The following RANBP17 variants were observed in gnomAD, a reference collection of about 807,000 sequenced individuals.
RANBP17 encodes the protein RAN binding protein 17.
RANBP17 carries 158 observed loss-of-function variants against 141.2 expected under a neutral mutation model. That is an observed-to-expected ratio of 1.12 (90% confidence interval 0.98 to 1.28). The LOEUF (loss-of-function observed/expected upper bound fraction) is 1.28. Ranked by LOEUF, RANBP17 falls within the 50% of genes most tolerant of loss-of-function variation. The probability of loss-of-function intolerance (pLI) is 0.00; values close to 1 mark genes in which losing one functional copy is unlikely to be tolerated. For synonymous variants in RANBP17, 430 were observed against 450.0 expected, an observed-to-expected ratio of 0.96 and a Z score of 0.56; for missense variants, 1,438 against 1,290.7, an observed-to-expected ratio of 1.11 and a Z score of -1.75.
At chr5:171,286,211 AT>A (rs1408698258) in intron 25 of RANBP17, among the ~76,000 whole-genome samples, 6 of 152,202 alleles carry the variant, frequency 3.9e-5, no homozygotes, top group Non-Finnish European at 7.3e-5. Flanking sequence ...TGCAGTGCTA[AT>A]ATATGACCAA....
At position 171,183,245 on chromosome 5, in the gene RANBP17, TTTAA is replaced by T; in HGVS notation, c.1929+21_1929+24del. 1.9e-6 allele frequency: 3 copies of T among 1,593,392 alleles called. No homozygotes were observed. Among genetic ancestry groups the T allele is most frequent in the Non-Finnish European group, 2.6e-6 (3 of 1,161,280 alleles). Reference sequence around the variant, plus strand: ...AAAACCACACGGTAAGTCTTATTTCTTTAATTAATGAATAACATTTTACGAATAG... The same window carrying T: ...AAAACCACACGGTAAGTCTTATTTCTTTAATGAATAACATTTTACGAATAG... On this transcript the variant is annotated intron_variant, in intron 17 of 27. Transcript: ENST00000523189.
intron 18 of RANBP17, among the ~76,000 whole-genome samples, chr5:171,190,079 G>A (rs528111687): frequency 1.3e-5 from 2 of 152,304 alleles, no homozygotes; most frequent in Admixed American, 1.3e-4. Context: ...AAAAGTGTTG[G>A]ATGTGATTCT....
At chr5:171,281,802 G>C (rs912779501) in intron 25 of RANBP17, among the ~76,000 whole-genome samples, 2 of 152,216 alleles carry the variant, frequency 1.3e-5, no homozygotes, top group Non-Finnish European at 2.9e-5. Flanking sequence ...AAGAAACCTT[G>C]TAGATAACGA....
At chr5:171,099,892 T>C (rs141626658) in intron 14 of RANBP17, among the ~76,000 whole-genome samples, 3,027 of 152,312 alleles carry the variant, frequency 0.02, 96 homozygotes, top group African/African-American at 0.068. Flanking sequence ...TCTGTTTATG[T>C]GATGGATTAC....
chr5:171,251,097 A>AC (rs1554123754), intron 24 of RANBP17, among the ~76,000 whole-genome samples: 1 of 151,976 alleles, frequency 6.6e-6, no homozygotes, highest in Admixed American at 6.6e-5. Context: ...CTCAACAAAA[A>AC]TTTTTTTTAG....
intron 14 of RANBP17, among the ~76,000 whole-genome samples, chr5:170,988,164 T>G (rs932342079): frequency 1.3e-5 from 2 of 151,680 alleles, no homozygotes; most frequent in Non-Finnish European, 3.0e-5. Flanking sequence ...TTAATGATTA[T>G]AAATTCTCAA....
Position 170,878,290 on chromosome 5 carries a change from A to G in RANBP17, c.165+47A>G, listed in dbSNP as rs375679692. ...TTAACCATGAAAGATCAGTAGATGT[A>G]TGTCATTGTTAATGAACTCGTGTGT... On this transcript the variant is annotated intron_variant, in intron 2 of 27. Transcript: ENST00000523189. 37 of 1,466,152 alleles carry G rather than the reference A, an allele frequency of 2.5e-5. No individual in the cohort carries two copies. In the African/African-American group the frequency reaches 4.9e-4, roughly 19 times the overall value. The allele number at this position is 1,466,152 out of a possible 1,614,324, so 90.8% of individuals were successfully genotyped here. A position where few individuals can be genotyped will look rare whatever the true frequency, so the allele number is the denominator to read the frequency against.
chr5:171,066,236 A>T (rs371226308), intron 14 of RANBP17, among the ~76,000 whole-genome samples: 12 of 152,286 alleles, frequency 7.9e-5, no homozygotes, highest in African/African-American at 2.9e-4. Context: ...TATTAATCAT[A>T]GTTACCATAT....
At position 171,045,532 on chromosome 5, in the gene RANBP17, G is replaced by C. The variant is rs183646841; in HGVS notation, c.1710+77155G>C. 2.6e-5 allele frequency among the ~76,000 whole-genome samples: 4 copies of C among 152,190 alleles called. No homozygotes were observed. In the East Asian group the frequency reaches 7.7e-4, roughly 29 times the overall value. Reference sequence around the variant, plus strand: ...GTATTGTGGATGTCAAAAACAATATGCTTCTTAATCACTTTTACTTAACAG... The same window carrying C: ...GTATTGTGGATGTCAAAAACAATATCCTTCTTAATCACTTTTACTTAACAG... On this transcript the variant is annotated intron_variant, in intron 14 of 27. Transcript: ENST00000523189.
chr5:171,167,179 C>T (rs1236059362), intron 14 of RANBP17, among the ~76,000 whole-genome samples: 3 of 152,192 alleles, frequency 2.0e-5, no homozygotes, highest in African/African-American at 4.8e-5. Flanking sequence ...AACAGACCTG[C>T]CTGCCTAGCT....
In RANBP17 at chr5:171,018,417, T is replaced by A. The variant is rs531002700; in HGVS notation, c.1710+50040T>A. On this transcript the variant is annotated intron_variant, in intron 14 of 27. Transcript: ENST00000523189. ...TGGAATGTTTTTCCATTTGTTTGTG[T>A]CCTTTCTTATTTCCTTGAGCAGTTG... 2.0e-5 allele frequency among the ~76,000 whole-genome samples: 3 copies of A among 152,346 alleles called. No individual in the cohort carries two copies. In the South Asian group the frequency reaches 6.2e-4, roughly 32 times the overall value.
intron 12 of RANBP17, among the ~76,000 whole-genome samples, chr5:170,939,532 G>T (rs551846298): frequency 6.6e-6 from 1 of 151,898 alleles, no homozygotes; most frequent in African/African-American, 2.4e-5. Context: ...CTACAGTCAT[G>T]CACCATGCCG....
In RANBP17 at chr5:171,242,779, T is replaced by G. The variant is rs755246243; in HGVS notation, c.2735T>G (p.Met912Arg). Reference protein sequence around the residue: ...FIINLEPPVLMYVLTSISEGL... With the variant: ...FIINLEPPVLRYVLTSISEGL... ...ATCAACTTAGAGCCTCCTGTACTCA[T>G]GTATGTTCTCACATCTATCTCAGAG... The change falls in exon 24 of 28, where the codon ATG (methionine) becomes AGG (arginine). Residue 912 changes from methionine to arginine, a missense_variant. Coordinates refer to ENST00000523189, the MANE Select transcript of RANBP17 (RefSeq NM_022897.5). The G allele has an allele frequency of 3.1e-6, 5 of 1,613,738 alleles. No individual in the cohort carries two copies. The East Asian group carries it at 1.1e-4, about 36-fold the overall frequency.
chr5:170,945,265 T>C (rs1774657350), intron 12 of RANBP17, among the ~76,000 whole-genome samples: 2 of 152,210 alleles, frequency 1.3e-5, no homozygotes, highest in Non-Finnish European at 2.9e-5. Context: ...AAATTCTTAT[T>C]GTGTGACTTC....
intron 24 of RANBP17, among the ~76,000 whole-genome samples, chr5:171,256,232 T>C (rs1439484960): frequency 6.6e-6 from 1 of 152,232 alleles, no homozygotes; most frequent in Non-Finnish European, 1.5e-5. Context: ...CTGTGTGACC[T>C]TGGGCAAGTC....
chr5:170,867,706 T>G (rs1356342640), intron 1 of RANBP17, among the ~76,000 whole-genome samples: 1 of 152,238 alleles, frequency 6.6e-6, no homozygotes, highest in Admixed American at 6.5e-5. Flanking sequence ...TAGGGAACAT[T>G]TATTTCCTGA....
chr5:170,933,576 A>G lies in RANBP17; in HGVS notation c.1468+9026A>G, dbSNP rs186050769. On this transcript the variant is annotated intron_variant, in intron 12 of 27. Coordinates refer to ENST00000523189, the MANE Select transcript of RANBP17 (RefSeq NM_022897.5). ...AGTGCTATAAATTTCCCTCTACACAATGCTTTAAATGTGTCCCAGAGATTC... is the reference window on the plus strand; with the variant it reads ...AGTGCTATAAATTTCCCTCTACACAGTGCTTTAAATGTGTCCCAGAGATTC... 1.0e-3 allele frequency among the ~76,000 whole-genome samples: 153 copies of G among 152,268 alleles called. 1 individual carries two copies. The highest frequency in any genetic ancestry group is 1.9e-3 in the Non-Finnish European group (130 of 67,998).
rs542724193 is a variant in RANBP17, at chr5:171,156,191, A to G, written c.1711-13939A>G. ...TTTCTACAAGTACTATATTATATTC[A>G]TTAAGAATCAGAATTGGCACATTCT... On this transcript the variant is annotated intron_variant, in intron 14 of 27. Transcript: ENST00000523189. Among the ~76,000 whole-genome samples the G allele has an allele frequency of 9.9e-5, 15 of 152,228 alleles. No homozygotes were observed. The South Asian group carries it at 2.7e-3, about 27-fold the overall frequency.
intron 18 of RANBP17, among the ~76,000 whole-genome samples, chr5:171,193,509 A>G (rs1761782625): frequency 6.6e-6 from 1 of 152,224 alleles, no homozygotes; most frequent in Non-Finnish European, 1.5e-5. Flanking sequence ...TTATTGCTGT[A>G]ACAAATTACC....
Sources: gnomAD v4.1 joint callset for allele counts (sites outside exome capture counted in the v4.1 genomes callset) on GRCh38, gnomAD v4.1.1 for gene constraint, MANE v1.5 for transcripts, NCBI Gene and HGNC (gene_info 2026-07-23, HGNC 2026-07-21) for gene names.